Variants in ROCK1 observed in about 807,000 individuals in gnomAD.
The protein encoded by ROCK1 is rho-associated protein kinase 1.
A neutral mutation model predicts 196.8 loss-of-function variants in ROCK1; 36 were observed. That is an observed-to-expected ratio of 0.18 (90% CI 0.14 to 0.24). The LOEUF is 0.24. Among genes scored for constraint, ROCK1 ranks in the 10% least tolerant of loss-of-function variants. ROCK1 has a pLI of 1.00. For missense variants in ROCK1, 920 were observed against 1,562.0 expected, an observed-to-expected ratio of 0.59 and a Z score of 6.93; for synonymous variants, 443 against 515.9, an observed-to-expected ratio of 0.86 and a Z score of 1.91.
At chr18:20,971,245 G>T (rs981569062) in intron 22 of ROCK1, among the ~76,000 whole-genome samples, 1 of 150,878 alleles carries the variant, frequency 6.6e-6, no homozygotes, top group African/African-American at 2.4e-5. Context: ...CTATTTTCTA[G>T]TGAGTATTAC....
At chr18:21,006,254 G>A in intron 16 of ROCK1, 97 bp downstream of exon 16, 1 of 905,166 alleles carries the variant, frequency 1.1e-6, no homozygotes, top group Non-Finnish European at 1.6e-6. Flanking sequence ...ATTGTGAACT[G>A]CATTTAATCC....
In ROCK1 at chr18:21,107,001, C is replaced by T. The variant is rs190430670; in HGVS notation, c.93+3817G>A. On this transcript the variant is annotated intron_variant, in intron 1 of 32. Transcript: ENST00000399799. ...TCAGATTTTAAAATATTTGCATATACATAAGATACCCTGGGGATGGGGACC... is the reference window on the plus strand; with the variant it reads ...TCAGATTTTAAAATATTTGCATATATATAAGATACCCTGGGGATGGGGACC... 2.2e-4 allele frequency among the ~76,000 whole-genome samples: 33 copies of T among 152,244 alleles called. No homozygotes were observed. The East Asian group carries it at 4.4e-3, about 21-fold the overall frequency.
chr18:21,087,759 G>A (rs2036539453), intron 1 of ROCK1, among the ~76,000 whole-genome samples: 1 of 152,144 alleles, frequency 6.6e-6, no homozygotes, highest in South Asian at 2.1e-4. Context: ...CTTAAAAATT[G>A]ATAGAACTGG....
At chr18:21,049,519 C>T (rs1209495800) in intron 3 of ROCK1, among the ~76,000 whole-genome samples, 1 of 152,174 alleles carries the variant, frequency 6.6e-6, no homozygotes, top group Non-Finnish European at 1.5e-5. Context: ...TACTGTTCTA[C>T]AGCATTTTAG....
intron 10 of ROCK1, among the ~76,000 whole-genome samples, chr18:21,026,658 G>A (rs553088571): frequency 6.6e-5 from 10 of 151,988 alleles, no homozygotes; most frequent in Admixed American, 3.9e-4. Flanking sequence ...TCAAAAAGCC[G>A]GACTAAATTG....
In ROCK1 at chr18:20,949,846, G is replaced by A. The variant is rs569051286; in HGVS notation, c.*1538C>T. ...TGTTTTCCATTCATTTCAGCCATGA[G>A]AAAACACATTGCAGTAAAAATTAAA... On this transcript the variant is annotated 3_prime_UTR_variant, in exon 33 of 33. Coordinates refer to ENST00000399799, the MANE Select transcript of ROCK1 (RefSeq NM_005406.3). 2 of 152,616 alleles carry A rather than the reference G, an allele frequency of 1.3e-5. No individual in the cohort carries two copies. Among genetic ancestry groups the A allele is most frequent in the Non-Finnish European group, 2.9e-5 (2 of 68,030 alleles). The allele number at this position is 152,616 out of a possible 1,614,324, so 9.5% of individuals were successfully genotyped here.
intron 19 of ROCK1, among the ~76,000 whole-genome samples, chr18:20,984,972 G>C (rs1190592348): frequency 6.6e-6 from 1 of 152,010 alleles, no homozygotes; most frequent in African/African-American, 2.4e-5. Flanking sequence ...AAATTGGCCA[G>C]GCATGGTGGT....
chr18:21,076,565 T>C (rs766052805), intron 1 of ROCK1, among the ~76,000 whole-genome samples: 1 of 152,066 alleles, frequency 6.6e-6, no homozygotes, highest in Non-Finnish European at 1.5e-5. Flanking sequence ...TGTACATATA[T>C]ATACACACAT....
intron 17 of ROCK1, among the ~76,000 whole-genome samples, chr18:20,992,134 T>A (rs2035632117): frequency 6.6e-6 from 1 of 152,202 alleles, no homozygotes; most frequent in Non-Finnish European, 1.5e-5. Context: ...TACCCTTTTC[T>A]ACTCTTCAAG....
chr18:20,967,958 A>G lies in ROCK1; in HGVS notation c.3004-18T>C. The stretch of plus-strand genomic sequence containing the variant: ...TTAACAGCCTATTAAAATATTATTA[A>G]TAAAGATCAATAGTGTAGTCATCCA... On this transcript the variant is annotated intron_variant, in intron 25 of 32. Transcript: ENST00000399799. The G allele has an allele frequency of 2.7e-6, 4 of 1,460,616 alleles. No individual in the cohort carries two copies. The highest frequency in any genetic ancestry group is 2.8e-6 in the Non-Finnish European group (3 of 1,083,164). The allele number at this position is 1,460,616 out of a possible 1,614,324, so 90.5% of individuals were successfully genotyped here.
intron 27 of ROCK1, among the ~76,000 whole-genome samples, chr18:20,964,428 T>A (rs1327945451): frequency 2.0e-5 from 3 of 152,154 alleles, no homozygotes; most frequent in African/African-American, 7.2e-5. Flanking sequence ...ATCTAGTAAA[T>A]GGTGGATTTA....
intron 20 of ROCK1, among the ~76,000 whole-genome samples, chr18:20,983,526 C>G (rs951717158): frequency 6.6e-5 from 10 of 151,968 alleles, no homozygotes; most frequent in African/African-American, 2.2e-4. Flanking sequence ...GAAAGCCTAG[C>G]AGCTAGGCTT....
chr18:21,003,312 T>C (rs1234351580), intron 16 of ROCK1, among the ~76,000 whole-genome samples: 1 of 151,894 alleles, frequency 6.6e-6, no homozygotes, highest in Non-Finnish European at 1.5e-5. Context: ...AAAATACAGA[T>C]TAAAATAAAC....
At chr18:21,103,420 T>C (rs1020910393) in intron 1 of ROCK1, among the ~76,000 whole-genome samples, 1 of 152,032 alleles carries the variant, frequency 6.6e-6, no homozygotes, top group Non-Finnish European at 1.5e-5. Context: ...TGAAGTGTAA[T>C]AAACAAAGTC....
chr18:20,959,123 AT>A (rs2035295234), intron 29 of ROCK1, among the ~76,000 whole-genome samples: 1 of 50,792 alleles, frequency 2.0e-5, no homozygotes, highest in Admixed American at 3.9e-4. Flanking sequence ...ATTATATAAT[AT>A]ATATATTATA....
chr18:21,106,620 G>C (rs1319334550), intron 1 of ROCK1, among the ~76,000 whole-genome samples: 1 of 152,192 alleles, frequency 6.6e-6, no homozygotes. Context: ...GTCCGGAAAA[G>C]AGAAATAGCT....
intron 1 of ROCK1, among the ~76,000 whole-genome samples, chr18:21,090,218 C>T (rs1170246631): frequency 6.6e-6 from 1 of 152,238 alleles, no homozygotes; most frequent in Non-Finnish European, 1.5e-5. Flanking sequence ...AACCCCAACA[C>T]TTTGGGAGGC....
At chr18:21,110,727 AC>A in intron 1 of ROCK1, 90 bp downstream of exon 1, 1 of 999,692 alleles carries the variant, frequency 1.0e-6, no homozygotes, top group South Asian at 1.4e-5. Context: ...GATTATGCAC[AC>A]CTGAGACTTT....
intron 1 of ROCK1, among the ~76,000 whole-genome samples, chr18:21,074,076 T>G (rs1465336716): frequency 6.6e-6 from 1 of 152,156 alleles, no homozygotes; most frequent in Non-Finnish European, 1.5e-5. Flanking sequence ...GAAGATCGCT[T>G]GAGCCCAGGA....
Sources: gnomAD v4.1 joint callset for allele counts (sites outside exome capture counted in the v4.1 genomes callset) on GRCh38, gnomAD v4.1.1 for gene constraint, MANE v1.5 for transcripts, NCBI Gene and HGNC (gene_info 2026-07-23, HGNC 2026-07-21) for gene names.